Variants in ZNF274 observed in about 807,000 individuals in gnomAD.
The protein encoded by ZNF274 is zinc finger protein 274.
ZNF274 carries 23 observed loss-of-function variants against 42.5 expected under a neutral mutation model. The observed-to-expected ratio is 0.54, with a 90% CI of 0.39 to 0.77. The LOEUF is 0.77. ZNF274 is among the 30% of genes least tolerant of loss of function. ZNF274 has a pLI of 0.00. For synonymous variants in ZNF274, 292 were observed against 305.4 expected (o/e 0.96, Z 0.46); for missense variants, 679 against 806.5 (o/e 0.84, Z 1.91).
At chr19:58,209,769 A>G (rs1211628361) in intron 5 of ZNF274, 192 bp from the exon 6 acceptor site, 2 of 521,252 alleles carry the variant, frequency 3.8e-6, no homozygotes, top group Non-Finnish European at 6.9e-6. Context: ...GGGCCCATCC[A>G]GGTGTGGGCA....
At chr19:58,194,779 G>A (rs1026382949) in intron 4 of ZNF274, among the ~76,000 whole-genome samples, 6 of 151,954 alleles carry the variant, frequency 3.9e-5, no homozygotes, top group South Asian at 2.1e-4. Flanking sequence ...AGGCCAAGGC[G>A]GGTGGATCAC....
In ZNF274 at chr19:58,183,232, T is replaced by C. The variant is rs1383490315; in HGVS notation, c.-256T>C. The C allele has an allele frequency of 6.6e-6, 1 of 152,314 alleles. No homozygotes were observed. The highest frequency in any genetic ancestry group is 6.5e-5 in the Admixed American group (1 of 15,286). The allele number at this position is 152,314 out of a possible 1,614,324, so 9.4% of individuals were successfully genotyped here. On this transcript the variant is annotated 5_prime_UTR_variant, in exon 1 of 8. Coordinates refer to ENST00000617501, the MANE Select transcript of ZNF274 (RefSeq NM_133502.3). ...AGCGTCCCTCACCAGAGGCCTCCCC[T>C]TGCCTAGCTGGACCGCCGAGGGACA...
At chr19:58,188,694 G>GTATGTA (rs1555816898) in intron 4 of ZNF274, among the ~76,000 whole-genome samples, 11 of 74,658 alleles carry the variant, frequency 1.5e-4, no homozygotes, top group African/African-American at 4.3e-4. Flanking sequence ...ATATGTATAT[G>GTATGTA]TATATATATA....
chr19:58,190,249 G>A (rs2146201447), intron 4 of ZNF274, among the ~76,000 whole-genome samples: 1 of 150,094 alleles, frequency 6.7e-6, no homozygotes, highest in Admixed American at 6.7e-5. Flanking sequence ...CTGGGTTCAA[G>A]TGATTCTCGT....
intron 4 of ZNF274, among the ~76,000 whole-genome samples, chr19:58,204,730 A>G (rs533847893): frequency 1.3e-5 from 2 of 152,166 alleles, no homozygotes; most frequent in Non-Finnish European, 2.9e-5. Flanking sequence ...AAACTGTGTT[A>G]CAACACTACC....
intron 4 of ZNF274, among the ~76,000 whole-genome samples, chr19:58,194,306 G>T (rs1391157742): frequency 2.0e-5 from 3 of 150,744 alleles, no homozygotes; most frequent in South Asian, 2.1e-4. Context: ...TAAAGACCTA[G>T]ACTTTGCTGA....
At chr19:58,185,105 G>C (rs1450675490) in intron 2 of ZNF274, among the ~76,000 whole-genome samples, 1 of 146,894 alleles carries the variant, frequency 6.8e-6, no homozygotes, top group Admixed American at 6.9e-5. Context: ...GGGCGACAGA[G>C]AGAGACTCCG....
rs530746690 is a variant in ZNF274 at position 58,192,151 on chromosome 19, T to C, written c.256+5109T>C. 3.1e-4 allele frequency among the ~76,000 whole-genome samples: 47 copies of C among 152,230 alleles called. 1 individual carries two copies. Among genetic ancestry groups the C allele is most frequent in the South Asian group, 6.2e-4 (3 of 4,818 alleles). ...CAGCTTCTAGGCATGGAGGCACCATTTGAGGTGACTGTCAGATGGGAAAGA... is the reference window on the plus strand; with the variant it reads ...CAGCTTCTAGGCATGGAGGCACCATCTGAGGTGACTGTCAGATGGGAAAGA... On this transcript the variant is annotated intron_variant, in intron 4 of 7. Coordinates refer to ENST00000617501, the MANE Select transcript of ZNF274 (RefSeq NM_133502.3).
intron 4 of ZNF274, among the ~76,000 whole-genome samples, chr19:58,190,028 C>T (rs764494310): frequency 1.3e-4 from 20 of 151,112 alleles, no homozygotes; most frequent in Non-Finnish European, 2.5e-4. Context: ...GAGGCTGAGG[C>T]AGGAGGATCA....
chr19:58,199,141 G>A (rs2075878795), intron 4 of ZNF274, among the ~76,000 whole-genome samples: 1 of 152,184 alleles, frequency 6.6e-6, no homozygotes, highest in Middle Eastern at 3.4e-3. Context: ...CGAGGCAGGT[G>A]GATCACCTGA....
In ZNF274 at chr19:58,211,832, G is replaced by GA. The variant is rs1359588853; in HGVS notation, c.979+147dup. On this transcript the variant is annotated intron_variant, in intron 7 of 7. Coordinates refer to ENST00000617501, the MANE Select transcript of ZNF274 (RefSeq NM_133502.3). This position sits in a 1 kb window ranked among gnomAD's most constrained non-coding sequence, Gnocchi z 4.8. ...TCCAGGGCCTGTAAGTGGAACTGTA[G>GA]ACCTAGAGGGGTGAGGTCACTGGGT... The GA allele has an allele frequency of 7.9e-7, 1 of 1,265,728 alleles. No homozygotes were observed. Among genetic ancestry groups the GA allele is most frequent in the African/African-American group, 1.5e-5 (1 of 66,258 alleles). The allele number at this position is 1,265,728 out of a possible 1,614,324, so 78.4% of individuals were successfully genotyped here. A position where few individuals can be genotyped will look rare whatever the true frequency, so the allele number is the denominator to read the frequency against.
chr19:58,211,366 T>G lies in ZNF274; in HGVS notation c.853-194T>G, dbSNP rs1406058566. On this transcript the variant is annotated intron_variant, in intron 6 of 7. Coordinates refer to ENST00000617501, the MANE Select transcript of ZNF274 (RefSeq NM_133502.3). This position sits in a 1 kb window ranked among gnomAD's most constrained non-coding sequence, Gnocchi z 4.8. ...GAAGCAAGGGCTCTGCCTCCCAGCCTGAGACCCAGACCCTGGTTTGGACCC... is the reference window on the plus strand; with the variant it reads ...GAAGCAAGGGCTCTGCCTCCCAGCCGGAGACCCAGACCCTGGTTTGGACCC... 1 of 572,536 alleles carries G rather than the reference T, an allele frequency of 1.7e-6. No homozygotes were observed. The highest frequency in any genetic ancestry group is 1.9e-5 in the African/African-American group (1 of 52,500). 35.5% of individuals were successfully genotyped at this position (572,536 alleles called of 1,614,324 possible).
chr19:58,193,445 CTTTTT>C (rs71188098), intron 4 of ZNF274, among the ~76,000 whole-genome samples: 30 of 47,808 alleles, frequency 6.3e-4, no homozygotes, highest in African/African-American at 2.2e-3. Context: ...CGCGCCTGGC[CTTTTT>C]TTTTTTTTTT....
chr19:58,191,751 ATC>A (rs2075781009), intron 4 of ZNF274, among the ~76,000 whole-genome samples: 1 of 152,158 alleles, frequency 6.6e-6, no homozygotes, highest in Non-Finnish European at 1.5e-5. Context: ...TGTCCAACTC[ATC>A]TCTGCTCTGT....
intron 1 of ZNF274, 135 bp from the exon 2 acceptor site, chr19:58,183,786 C>G: frequency 4.9e-6 from 3 of 609,512 alleles, no homozygotes; most frequent in Non-Finnish European, 8.7e-6. Flanking sequence ...AGTCCTATGA[C>G]TCACTCTGGG....
chr19:58,200,697 T>G (rs2075899561), intron 4 of ZNF274, among the ~76,000 whole-genome samples: 1 of 152,168 alleles, frequency 6.6e-6, no homozygotes, highest in Non-Finnish European at 1.5e-5. Flanking sequence ...ACTAAGATGG[T>G]GGCTGTGGGA....
rs527888260 is a variant in ZNF274 at position 58,195,718 on chromosome 19, G to A, written c.256+8676G>A. On this transcript the variant is annotated intron_variant, in intron 4 of 7. Coordinates refer to ENST00000617501, the MANE Select transcript of ZNF274 (RefSeq NM_133502.3). Reference sequence around the variant, plus strand: ...GGAAGACAGTTTTTCCGTGGACCTTGGGGTGGGGAGGGATAGTTTTGAGAT... The same window carrying A: ...GGAAGACAGTTTTTCCGTGGACCTTAGGGTGGGGAGGGATAGTTTTGAGAT... 2.0e-5 allele frequency among the ~76,000 whole-genome samples: 3 copies of A among 152,254 alleles called. No homozygotes were observed. The South Asian group carries it at 6.2e-4, about 32-fold the overall frequency.
chr19:58,190,151 C>CTTT (rs527745785), intron 4 of ZNF274, among the ~76,000 whole-genome samples: 1 of 130,854 alleles, frequency 7.6e-6, no homozygotes, highest in African/African-American at 2.7e-5. Context: ...TTATCTCTCT[C>CTTT]TTTTTTTTTT....
At chr19:58,205,857 T>A (rs1312280148) in intron 4 of ZNF274, among the ~76,000 whole-genome samples, 1 of 152,220 alleles carries the variant, frequency 6.6e-6, no homozygotes. Flanking sequence ...TGACCATGCA[T>A]ACATGTACAG....
Sources: allele counts gnomAD v4.1 joint callset (sites outside exome capture counted in the v4.1 genomes callset), GRCh38; gene constraint gnomAD v4.1.1; non-coding constraint Gnocchi (gnomAD v3.1); transcripts MANE v1.5; gene names NCBI Gene and HGNC (gene_info 2026-07-23, HGNC 2026-07-21).